The following ANKS1B variants were observed in gnomAD, a reference collection of about 807,000 sequenced individuals.
ANKS1B encodes ankyrin repeat and sterile alpha motif domain containing 1B, also known as ankyrin repeat and sterile alpha motif domain-containing protein 1B.
In ANKS1B, 36 loss-of-function variants were observed where a neutral mutation model predicts 148.3. The ratio of observed to expected loss-of-function variants is 0.24; its 90% CI spans 0.19 to 0.32. The LOEUF is 0.32. Among genes scored for constraint, ANKS1B ranks in the 10% least tolerant of loss-of-function variants. The pLI, the probability that ANKS1B is intolerant of heterozygous loss-of-function variation, is 1.00. For missense variants in ANKS1B, 1,157 were observed against 1,542.6 expected (o/e 0.75, Z 4.19); for synonymous variants, 542 against 560.8 (o/e 0.97, Z 0.47).
intron 17 of ANKS1B, among the ~76,000 whole-genome samples, chr12:98,869,682 T>TGCACATACACACATACACAC (rs71081887): frequency 0.77 from 116,877 of 151,386 alleles, 46,231 homozygotes; most frequent in East Asian, 0.99. Flanking sequence ...GTGGAATGCA[T>TGCACATACACACATACACAC]ACATATGTAT....
chr12:98,844,602 A>G lies in ANKS1B; in HGVS notation c.2779-12466T>C, dbSNP rs935877549. Among the ~76,000 whole-genome samples, 16 of 152,200 alleles carry G rather than the reference A, an allele frequency of 1.1e-4. 1 individual carries two copies. The highest frequency in any genetic ancestry group is 3.6e-4 in the African/African-American group (15 of 41,448). On this transcript the variant is annotated intron_variant, in intron 17 of 26. Transcript: ENST00000683438. ...CATAGATATAGTGTCTTTGATTCCA[A>G]TAAAGCACTTGATGAAGTCTTTCAT...
intron 17 of ANKS1B, among the ~76,000 whole-genome samples, chr12:98,988,639 C>A (rs1296691402): frequency 6.6e-6 from 1 of 152,036 alleles, no homozygotes; most frequent in Non-Finnish European, 1.5e-5. Flanking sequence ...ATTATTAGAT[C>A]ACATGGTACT....
intron 2 of ANKS1B, among the ~76,000 whole-genome samples, chr12:99,817,165 C>G (rs113690398): frequency 6.7e-6 from 1 of 148,506 alleles, no homozygotes; most frequent in Non-Finnish European, 1.5e-5. Flanking sequence ...CTCTTCTCCC[C>G]CCCCCCTTTC....
At chr12:99,350,143 G>C (rs1419827318) in intron 12 of ANKS1B, among the ~76,000 whole-genome samples, 3 of 151,812 alleles carry the variant, frequency 2.0e-5, no homozygotes, top group Admixed American at 2.0e-4. Context: ...CCCAAGATCT[G>C]GTTGTTTCAA....
chr12:99,301,486 T>C (rs2154020546), intron 12 of ANKS1B, among the ~76,000 whole-genome samples: 1 of 152,346 alleles, frequency 6.6e-6, no homozygotes, highest in Non-Finnish European at 1.5e-5. Context: ...ATGCATTTAG[T>C]GGACCATTTT....
At chr12:99,114,713 C>T (rs759520400) in intron 15 of ANKS1B, among the ~76,000 whole-genome samples, 2 of 151,894 alleles carry the variant, frequency 1.3e-5, no homozygotes, top group Non-Finnish European at 2.9e-5. Context: ...GACCGTACCA[C>T]TGTACTCCAG....
At chr12:98,786,904 C>T (rs772120729) in intron 22 of ANKS1B, among the ~76,000 whole-genome samples, 8 of 152,288 alleles carry the variant, frequency 5.3e-5, no homozygotes, top group Non-Finnish European at 1.0e-4. Flanking sequence ...AAGGGATTTC[C>T]GGTTGGTCTG....
intron 12 of ANKS1B, among the ~76,000 whole-genome samples, chr12:99,287,779 C>T (rs1326485849): frequency 1.3e-5 from 2 of 152,076 alleles, no homozygotes; most frequent in African/African-American, 2.4e-5. Flanking sequence ...AAGAATGCAG[C>T]AGCATCTTGC....
At position 99,533,484 on chromosome 12, in the gene ANKS1B, G is replaced by T. The variant is rs75075648; in HGVS notation, c.1273-28843C>A. On this transcript the variant is annotated intron_variant, in intron 9 of 26. Coordinates refer to ENST00000683438, the MANE Select transcript of ANKS1B (RefSeq NM_001352186.2). ...GTATAAGATCATATCATCAGCAAAA[G>T]AAGATAGTTTGGCTTCCTCTTTTCC... Among the ~76,000 whole-genome samples, 1,508 of 152,244 alleles carry T rather than the reference G, an allele frequency of 9.9e-3. 15 individuals are homozygous for T. The highest frequency in any genetic ancestry group is 0.035 in the African/African-American group (1,434 of 41,542).
At chr12:99,163,333 T>C (rs2076868938) in intron 14 of ANKS1B, among the ~76,000 whole-genome samples, 1 of 152,160 alleles carries the variant, frequency 6.6e-6, no homozygotes, top group Non-Finnish European at 1.5e-5. Flanking sequence ...TGATTCTGGA[T>C]AGATTTTCTT....
At chr12:99,871,387 A>T (rs1483464265) in intron 1 of ANKS1B, among the ~76,000 whole-genome samples, 1 of 152,110 alleles carries the variant, frequency 6.6e-6, no homozygotes. Flanking sequence ...TGCTTTGGCT[A>T]TTTGGGCTCT....
At chr12:98,805,444 G>A (rs2099043652) in intron 20 of ANKS1B, among the ~76,000 whole-genome samples, 1 of 152,090 alleles carries the variant, frequency 6.6e-6, no homozygotes, top group South Asian at 2.1e-4. Context: ...AATTTTAAAT[G>A]GAGAATTGAT....
intron 8 of ANKS1B, among the ~76,000 whole-genome samples, chr12:99,765,140 G>A (rs2153612510): frequency 6.6e-6 from 1 of 152,252 alleles, no homozygotes; most frequent in Middle Eastern, 3.4e-3. Context: ...TCAGATCCAA[G>A]ATTTACCTTT....
intron 12 of ANKS1B, among the ~76,000 whole-genome samples, chr12:99,340,763 A>T (rs946484125): frequency 5.9e-5 from 9 of 151,850 alleles, no homozygotes; most frequent in African/African-American, 1.5e-4. Flanking sequence ...GAGAACTTTT[A>T]AAAAAAATGC....
intron 12 of ANKS1B, among the ~76,000 whole-genome samples, chr12:99,327,432 AAATTATATATTATATATTATATTAT>A (rs2086686573): frequency 7.5e-6 from 1 of 133,404 alleles, no homozygotes; most frequent in Non-Finnish European, 1.6e-5. Context: ...TATTGTCTAT[AAATTATATATTATATATTATATTAT>A]AATTATATAT....
At chr12:99,882,560 G>A (rs1271060441) in intron 1 of ANKS1B, among the ~76,000 whole-genome samples, 1 of 152,142 alleles carries the variant, frequency 6.6e-6, no homozygotes, top group Non-Finnish European at 1.5e-5. Context: ...TTCAAAGTCT[G>A]AGGATCCCTC....
chr12:99,317,114 T>C (rs1182402840), intron 12 of ANKS1B, among the ~76,000 whole-genome samples: 3 of 152,140 alleles, frequency 2.0e-5, no homozygotes, highest in Non-Finnish European at 4.4e-5. Context: ...TGCCTCCAGG[T>C]TTGTTCTTTT....
chr12:99,680,346 T>C (rs1236258896), intron 8 of ANKS1B, among the ~76,000 whole-genome samples: 58 of 151,576 alleles, frequency 3.8e-4, no homozygotes, highest in Non-Finnish European at 5.9e-5. Flanking sequence ...GAGGCTGAGG[T>C]GCGAGGATCA....
chr12:99,725,165 T>G (rs1274785610), intron 8 of ANKS1B, among the ~76,000 whole-genome samples: 3 of 152,136 alleles, frequency 2.0e-5, no homozygotes, highest in Non-Finnish European at 4.4e-5. Context: ...AATATTAACC[T>G]TAAATGTAAA....
Sources: gnomAD v4.1 joint callset for allele counts (sites outside exome capture counted in the v4.1 genomes callset) on GRCh38, gnomAD v4.1.1 for gene constraint, MANE v1.5 for transcripts, NCBI Gene and HGNC (gene_info 2026-07-23, HGNC 2026-07-21) for gene names.